The following PDE1C variants were observed in gnomAD, a reference collection of about 807,000 sequenced individuals.
PDE1C encodes dual specificity calcium/calmodulin-dependent 3',5'-cyclic nucleotide phosphodiesterase 1C.
Under a neutral mutation model 93.1 loss-of-function variants are expected in PDE1C, and 62 were observed. That is an observed-to-expected ratio of 0.67 (90% CI 0.54 to 0.82). The LOEUF (loss-of-function observed/expected upper bound fraction) is 0.82, where lower values mean the gene tolerates loss of function less well. PDE1C is among the 40% of genes least tolerant of loss of function. The probability of loss-of-function intolerance (pLI) is 0.00; values close to 1 mark genes in which losing one functional copy is unlikely to be tolerated. For missense variants in PDE1C, 742 were observed against 884.6 expected (o/e 0.84, Z 2.04); for synonymous variants, 325 against 310.1 (o/e 1.05, Z -0.50).
At chr7:31,869,445 G>A (rs1795666924) in intron 6 of PDE1C, among the ~76,000 whole-genome samples, 1 of 151,908 alleles carries the variant, frequency 6.6e-6, no homozygotes, top group South Asian at 2.1e-4. Flanking sequence ...CATGCAAATG[G>A]AAATCAAAAG....
At chr7:31,850,793 T>C in intron 7 of PDE1C, 52 bp from the exon 8 acceptor site, 1 of 1,352,352 alleles carries the variant, frequency 7.4e-7, no homozygotes, top group Non-Finnish European at 1.1e-6. Flanking sequence ...CTCAAAGTCT[T>C]CAGCTTGCTG....
chr7:32,248,746 A>G (rs1809144959), intron 1 of PDE1C, among the ~76,000 whole-genome samples: 1 of 152,374 alleles, frequency 6.6e-6, no homozygotes, highest in East Asian at 1.9e-4. Flanking sequence ...CAGATGCTGC[A>G]CTATAATTCA....
At chr7:32,096,337 C>T (rs1004817450) in intron 3 of PDE1C, among the ~76,000 whole-genome samples, 2 of 152,274 alleles carry the variant, frequency 1.3e-5, no homozygotes, top group Non-Finnish European at 1.5e-5. Flanking sequence ...TTAAAGCCCA[C>T]GTCAGAGGGT....
intron 1 of PDE1C, among the ~76,000 whole-genome samples, chr7:32,362,720 C>A (rs1042931760): frequency 6.6e-6 from 1 of 152,184 alleles, no homozygotes; most frequent in African/African-American, 2.4e-5. Flanking sequence ...CAACAAGGAG[C>A]AGATGTCACG....
intron 3 of PDE1C, among the ~76,000 whole-genome samples, chr7:32,166,404 T>C (rs1478213282): frequency 1.3e-5 from 2 of 152,104 alleles, no homozygotes; most frequent in Non-Finnish European, 2.9e-5. Flanking sequence ...TCCAGCAATA[T>C]TGGCTGGGAT....
chr7:31,654,458 C>A, the PDE1C span, among the ~76,000 whole-genome samples: 116 of 152,252 alleles, frequency 7.6e-4, no homozygotes, highest in Non-Finnish European at 1.4e-3. Flanking sequence ...GGGTTTTAAG[C>A]AGGGTCGTCA....
chr7:32,327,054 C>G (rs1225772564), intron 1 of PDE1C, among the ~76,000 whole-genome samples: 2 of 152,186 alleles, frequency 1.3e-5, no homozygotes, highest in Non-Finnish European at 2.9e-5. Context: ...TACTTAGCCT[C>G]TCTTGCTCAC....
chr7:31,777,965 T>C (rs1219862102), intron 16 of PDE1C, among the ~76,000 whole-genome samples: 1 of 152,132 alleles, frequency 6.6e-6, no homozygotes, highest in African/African-American at 2.4e-5. Flanking sequence ...GTAACTCAGT[T>C]ACTCCTGAGG....
rs766841506 is a variant in PDE1C, at chr7:32,062,352, G to A, written c.101+7941C>T. Among the ~76,000 whole-genome samples, 7 of 152,154 alleles carry A rather than the reference G, an allele frequency of 4.6e-5. No individual in the cohort carries two copies. In the East Asian group the frequency reaches 7.7e-4, roughly 17 times the overall value. On this transcript the variant is annotated intron_variant, in intron 1 of 17. Transcript: ENST00000396191. ...CTGAGGCCCCCTGGTGGATGAAGTCGGACCTGGCTCCTCTCCAGCTGTGTC... is the reference window on the plus strand; with the variant it reads ...CTGAGGCCCCCTGGTGGATGAAGTCAGACCTGGCTCCTCTCCAGCTGTGTC...
chr7:31,719,060 A>G, the PDE1C span, among the ~76,000 whole-genome samples: 2 of 152,194 alleles, frequency 1.3e-5, no homozygotes, highest in African/African-American at 2.4e-5. Context: ...AAGATGGAAC[A>G]AATAGGAGGT....
intron 1 of PDE1C, among the ~76,000 whole-genome samples, chr7:32,358,603 C>T (rs1306563124): frequency 6.6e-6 from 1 of 152,114 alleles, no homozygotes; most frequent in Non-Finnish European, 1.5e-5. Flanking sequence ...TCTGCATCCC[C>T]AGAGTCAGGA....
the PDE1C span, among the ~76,000 whole-genome samples, chr7:31,686,249 C>T: frequency 6.6e-6 from 1 of 152,180 alleles, no homozygotes; most frequent in Non-Finnish European, 1.5e-5. Flanking sequence ...CCCAGACTGG[C>T]CTTCCTGCTT....
rs889047144 is a variant in PDE1C, at chr7:32,013,689, C to T, written c.128+37865G>A. Among the ~76,000 whole-genome samples, 13 of 152,322 alleles carry T rather than the reference C, an allele frequency of 8.5e-5. No homozygotes were observed. In the East Asian group the frequency reaches 1.3e-3, roughly 16 times the overall value. On this transcript the variant is annotated intron_variant, in intron 2 of 17. Transcript: ENST00000396191. ...ATGCTTGCTTGGACTGGTATAAGCA[C>T]GCCAGGGCAAATATTTTGGCTAAAT...
chr7:31,943,410 G>A lies in PDE1C; in HGVS notation c.129-62550C>T, dbSNP rs540382724. ...GCCACTCCAGAGAATTGGTTCTACT[G>A]GAAGTTTTGTTCAATAAAAAGATAT... On this transcript the variant is annotated intron_variant, in intron 2 of 17. Coordinates refer to ENST00000396191, the MANE Select transcript of PDE1C (RefSeq NM_001191057.4). 4.6e-5 allele frequency among the ~76,000 whole-genome samples: 7 copies of A among 152,204 alleles called. No homozygotes were observed. The East Asian group carries it at 1.2e-3, about 25-fold the overall frequency.
chr7:31,856,966 A>C (rs1020497963), intron 7 of PDE1C, among the ~76,000 whole-genome samples: 4 of 152,118 alleles, frequency 2.6e-5, no homozygotes, highest in African/African-American at 9.7e-5. Context: ...CTGTATCCTC[A>C]CAATGGACCC....
the PDE1C span, among the ~76,000 whole-genome samples, chr7:31,635,904 A>T: frequency 1.3e-5 from 2 of 152,146 alleles, no homozygotes. Context: ...ATAAACCTGC[A>T]CATCCTGCAC....
At chr7:31,962,797 T>C (rs1809211380) in intron 2 of PDE1C, among the ~76,000 whole-genome samples, 1 of 151,380 alleles carries the variant, frequency 6.6e-6, no homozygotes. Flanking sequence ...CTAAGGCCCC[T>C]CCATCTTTTT....
chr7:32,172,859 A>AG (rs1044710987), intron 2 of PDE1C, among the ~76,000 whole-genome samples: 1 of 148,778 alleles, frequency 6.7e-6, no homozygotes, highest in Non-Finnish European at 1.5e-5. Flanking sequence ...AAGAAGAAAT[A>AG]GATTCTGGCG....
chr7:31,830,753 C>G (rs1047320913), intron 11 of PDE1C, among the ~76,000 whole-genome samples: 6 of 152,080 alleles, frequency 3.9e-5, no homozygotes, highest in African/African-American at 7.2e-5. Context: ...CAGTTCAGGC[C>G]TACAATATCT....
Sources: gnomAD v4.1 joint callset for allele counts (sites outside exome capture counted in the v4.1 genomes callset) on GRCh38, gnomAD v4.1.1 for gene constraint, MANE v1.5 for transcripts, NCBI Gene and HGNC (gene_info 2026-07-23, HGNC 2026-07-21) for gene names.